The following NTM variants were observed in gnomAD, a reference collection of about 807,000 sequenced individuals.
The protein encoded by NTM is IgLON family member 2.
In NTM, 13 loss-of-function variants were observed where a neutral mutation model predicts 42.1. The observed-to-expected ratio is 0.31, with a 90% CI of 0.20 to 0.49. The LOEUF is 0.49. Ranked by LOEUF, NTM falls within the 20% of genes least tolerant of loss-of-function variation. The pLI is 0.99. For synonymous variants in NTM, 187 were observed against 179.2 expected (o/e 1.04, Z -0.35); for missense variants, 373 against 452.8 (o/e 0.82, Z 1.60).
At chr11:132,144,091 C>T (rs2069788772) in intron 2 of NTM, among the ~76,000 whole-genome samples, 1 of 152,198 alleles carries the variant, frequency 6.6e-6, no homozygotes, top group Non-Finnish European at 1.5e-5. Context: ...TTCTGATGAG[C>T]TCCCACCCAA....
At chr11:131,916,387 G>A (rs938022185) in intron 2 of NTM, among the ~76,000 whole-genome samples, 3 of 152,212 alleles carry the variant, frequency 2.0e-5, no homozygotes, top group Non-Finnish European at 4.4e-5. Flanking sequence ...GGATCACTTG[G>A]CAGGTGGGTA....
intron 2 of NTM, among the ~76,000 whole-genome samples, chr11:131,979,892 GC>G (rs2064981846): frequency 6.6e-6 from 1 of 152,158 alleles, no homozygotes; most frequent in Non-Finnish European, 1.5e-5. Flanking sequence ...AATATGTAGG[GC>G]CATTCTCTAT....
rs376866417 is a variant in NTM, at chr11:131,444,844, A to G, written c.82+73956A>G. Among the ~76,000 whole-genome samples, 4 of 152,194 alleles carry G rather than the reference A, an allele frequency of 2.6e-5. No homozygotes were observed. In the East Asian group the frequency reaches 5.8e-4, roughly 22 times the overall value. On this transcript the variant is annotated intron_variant, in intron 1 of 8. Transcript: ENST00000683400. ...GAGAGAAGATGTAAGAGAAGGTTAT[A>G]TGTGGGTACAAATGTGTTTCCTGGA...
At chr11:131,912,385 C>T (rs2055329527) in intron 2 of NTM, among the ~76,000 whole-genome samples, 1 of 152,094 alleles carries the variant, frequency 6.6e-6, no homozygotes, top group Non-Finnish European at 1.5e-5. Flanking sequence ...TCCTGATTGG[C>T]TTCTGGGGTT....
chr11:131,567,329 A>G (rs1477165353), intron 1 of NTM, among the ~76,000 whole-genome samples: 1 of 152,126 alleles, frequency 6.6e-6, no homozygotes, highest in African/African-American at 2.4e-5. Flanking sequence ...TCTACTAAAA[A>G]TACAAAAATT....
chr11:131,826,713 A>T (rs1392907471), intron 1 of NTM, among the ~76,000 whole-genome samples: 1 of 152,004 alleles, frequency 6.6e-6, no homozygotes, highest in African/African-American at 2.4e-5. Flanking sequence ...AAGGGACAAG[A>T]ACCAGGGTGG....
At chr11:132,006,152 A>T (rs896197432) in intron 2 of NTM, among the ~76,000 whole-genome samples, 4 of 152,174 alleles carry the variant, frequency 2.6e-5, no homozygotes, top group South Asian at 4.1e-4. Context: ...TGGTGTTCGC[A>T]TTCAAGGATG....
At chr11:131,782,553 AG>A (rs2088363148) in intron 1 of NTM, among the ~76,000 whole-genome samples, 1 of 152,138 alleles carries the variant, frequency 6.6e-6, no homozygotes, top group Non-Finnish European at 1.5e-5. Flanking sequence ...CAAGGAAAAA[AG>A]CTCTATTAAT....
chr11:131,442,868 T>G (rs1949737647), intron 1 of NTM, among the ~76,000 whole-genome samples: 1 of 152,140 alleles, frequency 6.6e-6, no homozygotes, highest in African/African-American at 2.4e-5. Flanking sequence ...ATTTTCTTTA[T>G]GCAATCAATC....
chr11:131,498,935 C>G (rs1366399481), intron 1 of NTM, among the ~76,000 whole-genome samples: 1 of 152,194 alleles, frequency 6.6e-6, no homozygotes, highest in African/African-American at 2.4e-5. Context: ...GGAGATGTGA[C>G]CTATGCACCC....
At chr11:131,877,833 GGCTCAGAGTTGCTGTGAGGGT>G (rs2048761988) in intron 1 of NTM, 1 of 152,176 alleles carries the variant, frequency 6.6e-6, no homozygotes, top group Non-Finnish European at 1.5e-5. Context: ...TGGAGTCAGG[GGCTCAGAGTTGCTGTGAGGGT>G]GCTCAGCTCC....
rs762632526 is a variant in NTM at position 131,862,331 on chromosome 11, A to G, written c.83-49233A>G. Among the ~76,000 whole-genome samples the G allele has an allele frequency of 3.3e-5, 5 of 152,346 alleles. No homozygotes were observed. The South Asian group carries it at 1.0e-3, about 32-fold the overall frequency. On this transcript the variant is annotated intron_variant, in intron 1 of 8. Transcript: ENST00000683400. ...ACTGACTTTCTCCCCAACTCCTGAC[A>G]AAAGAAAGCCATCAGACAAGATAGC... is the stretch of plus-strand genomic sequence containing the variant.
intron 1 of NTM, among the ~76,000 whole-genome samples, chr11:131,760,227 C>T (rs115879226): frequency 1.3e-5 from 2 of 152,096 alleles, no homozygotes; most frequent in African/African-American, 2.4e-5. Context: ...TGAGTTTTTC[C>T]GGAAGCAGAT....
At chr11:131,410,517 C>CAAAA (rs1161389222) in intron 1 of NTM, among the ~76,000 whole-genome samples, 5 of 32,766 alleles carry the variant, frequency 1.5e-4, no homozygotes, top group Admixed American at 4.6e-4. Flanking sequence ...AAACAATAAC[C>CAAAA]AAAAAAAAAA....
chr11:131,767,203 C>T (rs2085262016), intron 1 of NTM: 1 of 685,848 alleles, frequency 1.5e-6, no homozygotes, highest in Non-Finnish European at 1.8e-6. Context: ...ATGGTTTCTT[C>T]AAATCCAAAA....
rs541861187 is a variant in NTM at position 131,731,349 on chromosome 11, G to A, written c.83-180215G>A. Among the ~76,000 whole-genome samples, 10 of 151,716 alleles carry A rather than the reference G, an allele frequency of 6.6e-5. No individual in the cohort carries two copies. In the East Asian group the frequency reaches 1.4e-3, roughly 21 times the overall value. On this transcript the variant is annotated intron_variant, in intron 1 of 8. Transcript: ENST00000683400. The stretch of plus-strand genomic sequence containing the variant: ...CATATTGCTTAAAATAACTCGTTTA[G>A]TCTCCTTGGGCAGGTCAACACTTAG...
intron 1 of NTM, among the ~76,000 whole-genome samples, chr11:131,382,992 A>C (rs1473846696): frequency 6.6e-6 from 1 of 152,176 alleles, no homozygotes; most frequent in African/African-American, 2.4e-5. Context: ...CTGATTCCAT[A>C]AGACCTTGCC....
At chr11:132,101,179 C>A (rs1288562499) in intron 2 of NTM, among the ~76,000 whole-genome samples, 1 of 152,094 alleles carries the variant, frequency 6.6e-6, no homozygotes, top group Non-Finnish European at 1.5e-5. Context: ...CTGTTTTCTT[C>A]CTCTCCTGCC....
At chr11:131,929,696 T>A (rs2058383407) in intron 2 of NTM, among the ~76,000 whole-genome samples, 1 of 152,152 alleles carries the variant, frequency 6.6e-6, no homozygotes, top group African/African-American at 2.4e-5. Context: ...TGGTTCACAC[T>A]GATTCACAAA....
Sources: allele counts gnomAD v4.1 joint callset (sites outside exome capture counted in the v4.1 genomes callset), GRCh38; gene constraint gnomAD v4.1.1; transcripts MANE v1.5; gene names NCBI Gene and HGNC (gene_info 2026-07-23, HGNC 2026-07-21).